Variants in HK1 observed in about 807,000 individuals in gnomAD.
HK1 encodes hexokinase-1.
Under a neutral mutation model 91.6 loss-of-function variants are expected in HK1, and 28 were observed. The ratio of observed to expected loss-of-function variants is 0.31; its 90% CI spans 0.23 to 0.42. HK1 has a LOEUF of 0.42. Ranked by LOEUF, HK1 falls within the 10% of genes least tolerant of loss-of-function variation. The pLI is 1.00. For missense variants in HK1, 770 were observed against 1,219.8 expected (o/e 0.63, Z 5.49); for synonymous variants, 430 against 468.1 (o/e 0.92, Z 1.05).
chr10:69,292,341 G>T, intron 3 of HK1: 2 of 445,120 alleles, frequency 4.5e-6, no homozygotes, highest in South Asian at 3.2e-5. Context: ...CTAAAGTGCT[G>T]GGATTACAGG....
At chr10:69,330,232 G>C (rs376322674) in intron 1 of HK1, among the ~76,000 whole-genome samples, 9 of 152,212 alleles carry the variant, frequency 5.9e-5, no homozygotes, top group African/African-American at 2.2e-4. Flanking sequence ...GGTGTGGTGA[G>C]TGAAGTAGGA....
Position 69,321,548 on chromosome 10 carries a change from G to T in HK1, c.63+2538G>T, listed in dbSNP as rs1466768138. On this transcript the variant is annotated intron_variant, in intron 1 of 17. Transcript: ENST00000359426. Reference sequence around the variant, plus strand: ...GCCCTCCAGCTGTAGGCAGCCTCCGGGGCTCTGGAGACAGACCTGGCATCC... The same window carrying T: ...GCCCTCCAGCTGTAGGCAGCCTCCGTGGCTCTGGAGACAGACCTGGCATCC... Among the ~76,000 whole-genome samples the T allele has an allele frequency of 2.6e-5, 4 of 152,152 alleles. No individual in the cohort carries two copies. The East Asian group carries it at 7.7e-4, about 29-fold the overall frequency.
Position 69,390,718 on chromosome 10 carries a change from G to C in HK1, c.2036-1407G>C, listed in dbSNP as rs186415352. On this transcript the variant is annotated intron_variant, in intron 14 of 17. Coordinates refer to ENST00000359426, the MANE Select transcript of HK1 (RefSeq NM_000188.3). Reference sequence around the variant, plus strand: ...ACCTACATCCCACCCTGGATGGGTGGATGGTGCTCCTGGGCGCATCATTAG... The same window carrying C: ...ACCTACATCCCACCCTGGATGGGTGCATGGTGCTCCTGGGCGCATCATTAG... Among the ~76,000 whole-genome samples, 53 of 152,306 alleles carry C rather than the reference G, an allele frequency of 3.5e-4. No homozygotes were observed. The Middle Eastern group carries it at 0.01, about 30-fold the overall frequency.
At chr10:69,338,825 G>C in intron 1 of HK1, 1,577 of 497,738 alleles carry the variant, frequency 3.2e-3, no homozygotes, top group Non-Finnish European at 4.4e-3. Flanking sequence ...AAGGAGGAGA[G>C]TAAAGATCTG....
At chr10:69,280,212 C>A (rs923584234) in intron 1 of HK1, among the ~76,000 whole-genome samples, 10 of 152,078 alleles carry the variant, frequency 6.6e-5, no homozygotes, top group African/African-American at 2.2e-4. Flanking sequence ...CCTGGGCTCA[C>A]GCCATTCTCC....
At chr10:69,360,146 G>A in intron 3 of HK1, 101 bp downstream of exon 3, 2 of 1,183,480 alleles carry the variant, frequency 1.7e-6, no homozygotes, top group Non-Finnish European at 2.5e-6. Flanking sequence ...GCCCCTGGAA[G>A]AGGGTTGCTG....
chr10:69,368,709 C>G, intron 5 of HK1, 78 bp downstream of exon 5: 1 of 1,138,246 alleles, frequency 8.8e-7, no homozygotes, highest in Admixed American at 1.8e-5. Flanking sequence ...AGACCAGTGC[C>G]CTTCCTGGGG....
chr10:69,345,931 AC>A (rs541973832), intron 2 of HK1, among the ~76,000 whole-genome samples: 102 of 151,472 alleles, frequency 6.7e-4, no homozygotes, highest in African/African-American at 1.6e-3. Context: ...TAGAAACGGC[AC>A]CCCCCCATTC....
intron 13 of HK1, among the ~76,000 whole-genome samples, chr10:69,388,212 G>A (rs1839736377): frequency 6.6e-6 from 1 of 152,178 alleles, no homozygotes. Flanking sequence ...GGCCAAGGCA[G>A]GAGGAACGCT....
rs940118342 is a variant in HK1 at position 69,344,705 on chromosome 10, G to C, written c.226+716G>C. ...GTGGTATCAGCCCCTGCACCTGGCT[G>C]AGCGGAGACTGAGAAGTCGCAGTCT... On this transcript the variant is annotated intron_variant, in intron 2 of 17. Transcript: ENST00000359426. Among the ~76,000 whole-genome samples, 7 of 152,360 alleles carry C rather than the reference G, an allele frequency of 4.6e-5. No homozygotes were observed. The South Asian group carries it at 8.3e-4, about 18-fold the overall frequency.
chr10:69,317,859 G>A (rs1214230624), upstream of HK1, among the ~76,000 whole-genome samples: 2 of 152,196 alleles, frequency 1.3e-5, no homozygotes, highest in Non-Finnish European at 1.5e-5. Context: ...GGAGGCTTCC[G>A]GAACACAGAA....
At chr10:69,344,434 A>G (rs887271061) in intron 2 of HK1, among the ~76,000 whole-genome samples, 1 of 152,160 alleles carries the variant, frequency 6.6e-6, no homozygotes, top group African/African-American at 2.4e-5. Context: ...CTCTCTTCTT[A>G]TCCCAGATAA....
chr10:69,287,333 C>T (rs564745627), intron 2 of HK1, among the ~76,000 whole-genome samples: 1 of 151,254 alleles, frequency 6.6e-6, no homozygotes, highest in South Asian at 2.1e-4. Flanking sequence ...CACTCACTAT[C>T]ACAAGAACAG....
intron 2 of HK1, among the ~76,000 whole-genome samples, chr10:69,351,930 G>A (rs1739923479): frequency 1.3e-5 from 2 of 152,044 alleles, no homozygotes; most frequent in African/African-American, 4.8e-5. Flanking sequence ...AAATGTTTCT[G>A]ATATTCTAGT....
chr10:69,305,130 A>G (rs1267224598), intron 5 of HK1, among the ~76,000 whole-genome samples: 1 of 152,016 alleles, frequency 6.6e-6, no homozygotes, highest in African/African-American at 2.4e-5. Context: ...ATAATCCAAG[A>G]TGATTGCAGG....
chr10:69,351,173 T>A (rs1848845136), intron 2 of HK1, among the ~76,000 whole-genome samples: 1 of 136,290 alleles, frequency 7.3e-6, no homozygotes, highest in African/African-American at 3.0e-5. Flanking sequence ...AGACTCCGTC[T>A]CAAAATTAAA....
chr10:69,364,708 G>A, intron 3 of HK1, 75 bp from the exon 4 acceptor site: 1 of 1,553,240 alleles, frequency 6.4e-7, no homozygotes, highest in Non-Finnish European at 8.9e-7. Context: ...GTGTGTGGGA[G>A]GGAATGGTTT....
intron 1 of HK1, among the ~76,000 whole-genome samples, chr10:69,321,221 C>T (rs1847003731): frequency 6.6e-6 from 1 of 152,122 alleles, no homozygotes; most frequent in Non-Finnish European, 1.5e-5. Flanking sequence ...TGGGTGTGGT[C>T]CTGGCTATGA....
chr10:69,340,178 G>A (rs2132666328), intron 1 of HK1, among the ~76,000 whole-genome samples: 1 of 152,336 alleles, frequency 6.6e-6, no homozygotes, highest in East Asian at 1.9e-4. Flanking sequence ...TAATCATGAT[G>A]TGTGAGGAGT....
Sources: allele counts gnomAD v4.1 joint callset (sites outside exome capture counted in the v4.1 genomes callset), GRCh38; gene constraint gnomAD v4.1.1; transcripts MANE v1.5; gene names NCBI Gene and HGNC (gene_info 2026-07-23, HGNC 2026-07-21).